SIL1: variants seen among roughly 807,000 people sequenced by gnomAD.
The protein encoded by SIL1 is SIL1 nucleotide exchange factor.
SIL1 carries 40 observed loss-of-function variants against 49.1 expected under a neutral mutation model. The ratio of observed to expected loss-of-function variants is 0.81; its 90% CI spans 0.63 to 1.06. The LOEUF (loss-of-function observed/expected upper bound fraction) is 1.06. Ranked by LOEUF, SIL1 falls within the 50% of genes least tolerant of loss-of-function variation. The pLI is 0.00. For synonymous variants in SIL1, 253 were observed against 250.8 expected, an observed-to-expected ratio of 1.01 and a Z score of -0.08; for missense variants, 500 against 572.6, an observed-to-expected ratio of 0.87 and a Z score of 1.29.
At chr5:139,031,826 A>G (rs1238726820) in intron 5 of SIL1, among the ~76,000 whole-genome samples, 4 of 152,198 alleles carry the variant, frequency 2.6e-5, no homozygotes, top group Non-Finnish European at 4.4e-5. Flanking sequence ...TATAGATCTT[A>G]TATCTGTCTT....
intron 9 of SIL1, 140 bp downstream of exon 9, chr5:138,951,031 A>T: frequency 1.0e-6 from 1 of 983,130 alleles, no homozygotes; most frequent in Middle Eastern, 2.1e-4. Flanking sequence ...AATCTCTTCC[A>T]ACTGTCTGTC....
intron 3 of SIL1, among the ~76,000 whole-genome samples, chr5:139,093,133 C>A (rs552247325): frequency 2.0e-4 from 31 of 152,216 alleles, no homozygotes; most frequent in Non-Finnish European, 4.0e-4. Context: ...TCTTTTGTTC[C>A]CCCCCACAAA....
chr5:139,180,245 G>C (rs549308229), intron 1 of SIL1, among the ~76,000 whole-genome samples: 36 of 151,754 alleles, frequency 2.4e-4, no homozygotes, highest in South Asian at 2.1e-3. Flanking sequence ...GCCAGGCATA[G>C]TGGTGTGCAC....
chr5:138,969,411 C>T (rs1767223659), intron 7 of SIL1, among the ~76,000 whole-genome samples: 1 of 152,228 alleles, frequency 6.6e-6, no homozygotes, highest in Non-Finnish European at 1.5e-5. Flanking sequence ...AGAGCTCCTG[C>T]TTTCCTTTCT....
chr5:138,991,525 C>T (rs1767760961), intron 7 of SIL1, among the ~76,000 whole-genome samples: 1 of 152,208 alleles, frequency 6.6e-6, no homozygotes, highest in African/African-American at 2.4e-5. Context: ...ATGGGATACA[C>T]TAACTCCCTA....
intron 7 of SIL1, among the ~76,000 whole-genome samples, chr5:138,985,877 A>C (rs139942317): frequency 6.6e-6 from 1 of 152,206 alleles, no homozygotes; most frequent in African/African-American, 2.4e-5. Flanking sequence ...TGGCCAGTGA[A>C]GTAGAGCCCG....
chr5:139,005,042 T>C (rs904204792), intron 7 of SIL1, among the ~76,000 whole-genome samples: 2 of 152,126 alleles, frequency 1.3e-5, no homozygotes, highest in African/African-American at 2.4e-5. Flanking sequence ...ACAGGAGGAT[T>C]AAGTCCAAGA....
chr5:138,970,040 G>A (rs949169843), intron 7 of SIL1, among the ~76,000 whole-genome samples: 2 of 152,366 alleles, frequency 1.3e-5, no homozygotes, highest in East Asian at 1.9e-4. Context: ...GTCTGCATCT[G>A]GAAGACAGCA....
chr5:139,049,432 C>T (rs569849087), intron 4 of SIL1, among the ~76,000 whole-genome samples: 17 of 152,278 alleles, frequency 1.1e-4, no homozygotes, highest in African/African-American at 3.6e-4. Flanking sequence ...CGGCCTCGGC[C>T]TCCCAAAGTG....
At chr5:139,034,918 T>C (rs1420290405) in intron 5 of SIL1, among the ~76,000 whole-genome samples, 1 of 152,238 alleles carries the variant, frequency 6.6e-6, no homozygotes, top group African/African-American at 2.4e-5. Context: ...TCTACAACCC[T>C]TGCCAGCATC....
At chr5:139,132,236 A>G (rs779739871) in intron 1 of SIL1, among the ~76,000 whole-genome samples, 1 of 152,164 alleles carries the variant, frequency 6.6e-6, no homozygotes, top group Non-Finnish European at 1.5e-5. Flanking sequence ...GAGGAAGAAG[A>G]GGTCAGGGGC....
At chr5:139,137,244 C>T in intron 1 of SIL1, 1 of 688,446 alleles carries the variant, frequency 1.5e-6, no homozygotes, top group Non-Finnish European at 2.6e-6. Context: ...AGTTCATTTA[C>T]TCTTCACGAC....
chr5:139,099,680 A>G (rs1368128713), intron 3 of SIL1, among the ~76,000 whole-genome samples: 4 of 152,240 alleles, frequency 2.6e-5, no homozygotes, highest in Non-Finnish European at 4.4e-5. Context: ...AGGCACAGAA[A>G]GACAAACATC....
chr5:138,962,296 C>T (rs1327565683), intron 7 of SIL1, among the ~76,000 whole-genome samples: 1 of 150,208 alleles, frequency 6.7e-6, no homozygotes, highest in African/African-American at 2.5e-5. Context: ...ATGACCTGGA[C>T]TTTTTCCATT....
At chr5:139,167,357 G>A (rs769211279) in intron 1 of SIL1, among the ~76,000 whole-genome samples, 21 of 152,230 alleles carry the variant, frequency 1.4e-4, no homozygotes, top group Non-Finnish European at 2.6e-4. Flanking sequence ...ACAGTTCCAA[G>A]TGTGTGATTG....
At chr5:139,135,073 T>C (rs998435124) in intron 1 of SIL1, among the ~76,000 whole-genome samples, 1 of 152,168 alleles carries the variant, frequency 6.6e-6, no homozygotes, top group Admixed American at 6.5e-5. Context: ...AACAAGTTTG[T>C]AATAGTCAGG....
intron 2 of SIL1, among the ~76,000 whole-genome samples, chr5:139,124,136 A>C (rs1413320643): frequency 6.6e-6 from 1 of 152,212 alleles, no homozygotes; most frequent in Non-Finnish European, 1.5e-5. Flanking sequence ...GAGAAGCAGA[A>C]AGGGGTAAGG....
intron 3 of SIL1, among the ~76,000 whole-genome samples, chr5:139,098,231 G>A (rs1770512299): frequency 6.6e-6 from 1 of 152,108 alleles, no homozygotes. Context: ...GCATGGTACT[G>A]GCATAAAAAC....
chr5:138,980,256 G>A (rs1767486079), intron 7 of SIL1, among the ~76,000 whole-genome samples: 2 of 152,214 alleles, frequency 1.3e-5, no homozygotes, highest in Admixed American at 6.5e-5. Context: ...TAAGAAGTCT[G>A]AAGAGCTGAA....
Sources: gnomAD v4.1 joint callset for allele counts (sites outside exome capture counted in the v4.1 genomes callset) on GRCh38, gnomAD v4.1.1 for gene constraint, MANE v1.5 for transcripts, NCBI Gene and HGNC (gene_info 2026-07-23, HGNC 2026-07-21) for gene names.